The following NRXN3 variants were observed in gnomAD, a reference collection of about 807,000 sequenced individuals.
NRXN3 encodes the protein neurexin 3, also known as neurexin III.
A neutral mutation model predicts 137.6 loss-of-function variants in NRXN3; 32 were observed. The observed-to-expected ratio is 0.23, with a 90% confidence interval of 0.18 to 0.31. The LOEUF is 0.31. Among genes scored for constraint, NRXN3 ranks in the 10% least tolerant of loss-of-function variants. The pLI is 1.00. For synonymous variants in NRXN3, 798 were observed against 784.5 expected (o/e 1.02, Z -0.29); for missense variants, 1,574 against 2,062.5 (o/e 0.76, Z 4.59).
At chr14:79,661,126 A>T (rs2098531221) in intron 16 of NRXN3, among the ~76,000 whole-genome samples, 1 of 152,180 alleles carries the variant, frequency 6.6e-6, no homozygotes, top group Non-Finnish European at 1.5e-5. Flanking sequence ...AGGTTCATTT[A>T]TATATGCATG....
chr14:79,299,492 G>A (rs2084776285), intron 15 of NRXN3, among the ~76,000 whole-genome samples: 1 of 152,092 alleles, frequency 6.6e-6, no homozygotes, highest in African/African-American at 2.4e-5. Flanking sequence ...AAATGAGTGT[G>A]AGTATATCAC....
At chr14:78,411,211 T>C (rs8008554) in intron 4 of NRXN3, among the ~76,000 whole-genome samples, 90,237 of 152,106 alleles carry the variant, frequency 0.59, 27,245 homozygotes, top group African/African-American at 0.7. Flanking sequence ...AGGTTTTTCT[T>C]CCCACGCAGC....
chr14:78,222,376 C>T (rs2153425895), intron 1 of NRXN3, among the ~76,000 whole-genome samples: 1 of 152,254 alleles, frequency 6.6e-6, no homozygotes, highest in African/African-American at 2.4e-5. Flanking sequence ...AGAGCGTGGG[C>T]TCACCCGAGG....
At chr14:79,154,007 G>T (rs757608598) in intron 15 of NRXN3, among the ~76,000 whole-genome samples, 1 of 151,976 alleles carries the variant, frequency 6.6e-6, no homozygotes, top group Non-Finnish European at 1.5e-5. Context: ...TGCCCAAAGA[G>T]CGAAGAGCAT....
intron 6 of NRXN3, among the ~76,000 whole-genome samples, chr14:78,704,673 T>G (rs140230153): frequency 7.9e-5 from 12 of 152,246 alleles, no homozygotes; most frequent in Middle Eastern, 3.4e-3. Context: ...CCCAGTGCAG[T>G]CAGAGAGATA....
At position 79,604,670 on chromosome 14, in the gene NRXN3, G is replaced by A. The variant is rs192971957; in HGVS notation, c.3445-59108G>A. ...GCTGACCAAATGCCATTTTGTATAA[G>A]AAGATAAAAAGCTACCATTGTTGTT... On this transcript the variant is annotated intron_variant, in intron 16 of 20. Transcript: ENST00000335750. Among the ~76,000 whole-genome samples, 113 of 152,192 alleles carry A rather than the reference G, an allele frequency of 7.4e-4. No homozygotes were observed. In the Middle Eastern group the frequency reaches 0.017, roughly 23 times the overall value.
At chr14:78,743,234 A>G (rs1429066649) in intron 8 of NRXN3, among the ~76,000 whole-genome samples, 1 of 152,210 alleles carries the variant, frequency 6.6e-6, no homozygotes, top group African/African-American at 2.4e-5. Context: ...TACTTTATCT[A>G]CTTTGTTCAT....
chr14:79,563,355 C>A (rs2097519205), intron 16 of NRXN3, among the ~76,000 whole-genome samples: 1 of 152,016 alleles, frequency 6.6e-6, no homozygotes, highest in South Asian at 2.1e-4. Flanking sequence ...TTCACTTGTG[C>A]CCTAAGGCCT....
chr14:79,166,037 A>C (rs1263303026), intron 15 of NRXN3, among the ~76,000 whole-genome samples: 2 of 151,994 alleles, frequency 1.3e-5, no homozygotes, highest in Non-Finnish European at 2.9e-5. Context: ...TTAAAAACGC[A>C]TGCCCTTCTA....
intron 10 of NRXN3, among the ~76,000 whole-genome samples, chr14:78,951,551 G>A (rs759363886): frequency 2.6e-5 from 4 of 151,944 alleles, no homozygotes; most frequent in East Asian, 1.9e-4. Flanking sequence ...GCTTTTCATC[G>A]TATTACCCTG....
chr14:79,505,932 G>T (rs537838180), intron 16 of NRXN3, among the ~76,000 whole-genome samples: 26 of 152,300 alleles, frequency 1.7e-4, no homozygotes, highest in Non-Finnish European at 3.1e-4. Context: ...TCCAGTCGTT[G>T]ATCAAGACTG....
intron 3 of NRXN3, among the ~76,000 whole-genome samples, chr14:78,291,929 C>T (rs977381829): frequency 8.6e-5 from 13 of 151,998 alleles, no homozygotes; most frequent in Admixed American, 7.9e-4. Flanking sequence ...TTTTTCTCCC[C>T]TTGTGAGTGA....
chr14:78,330,094 G>T (rs976551746), intron 4 of NRXN3, among the ~76,000 whole-genome samples: 3 of 152,116 alleles, frequency 2.0e-5, no homozygotes, highest in Admixed American at 2.0e-4. Flanking sequence ...CGGTAGGGTG[G>T]TTTCTGTACT....
intron 6 of NRXN3, among the ~76,000 whole-genome samples, chr14:78,705,656 C>T (rs967691009): frequency 1.3e-5 from 2 of 152,162 alleles, no homozygotes; most frequent in Admixed American, 6.5e-5. Context: ...TTGATCTTGA[C>T]AACAGCCCTG....
chr14:79,457,116 C>T (rs1009446381), intron 15 of NRXN3, among the ~76,000 whole-genome samples: 1 of 151,690 alleles, frequency 6.6e-6, no homozygotes, highest in Non-Finnish European at 1.5e-5. Flanking sequence ...CACCTTAGTC[C>T]ATCTGCTGTA....
chr14:79,860,976 G>A (rs531960815), intron 20 of NRXN3: 19 of 948,448 alleles, frequency 2.0e-5, no homozygotes, highest in Middle Eastern at 2.2e-4. Flanking sequence ...TGTGAATGAC[G>A]TTGGTTGAGT....
intron 4 of NRXN3, among the ~76,000 whole-genome samples, chr14:78,440,993 C>T (rs752212384): frequency 6.6e-5 from 10 of 152,126 alleles, no homozygotes; most frequent in East Asian, 5.8e-4. Flanking sequence ...TTTTCTGCTG[C>T]GGCACTCCAT....
intron 15 of NRXN3, among the ~76,000 whole-genome samples, chr14:79,377,599 C>CA (rs5809935): frequency 0.42 from 64,258 of 151,646 alleles, 13,761 homozygotes; most frequent in Middle Eastern, 0.57. Context: ...ACTAAAAATA[C>CA]AAAAAAATTA....
intron 19 of NRXN3, among the ~76,000 whole-genome samples, chr14:79,770,855 C>A (rs878988569): frequency 6.6e-6 from 1 of 151,564 alleles, no homozygotes; most frequent in Admixed American, 6.6e-5. Context: ...TTGAAAGGAT[C>A]AACAAAATTG....
Sources: gnomAD v4.1 joint callset for allele counts (sites outside exome capture counted in the v4.1 genomes callset) on GRCh38, gnomAD v4.1.1 for gene constraint, MANE v1.5 for transcripts, NCBI Gene and HGNC (gene_info 2026-07-23, HGNC 2026-07-21) for gene names.